CDH13: variants seen among roughly 807,000 people sequenced by gnomAD.
The protein encoded by CDH13 is cadherin-13.
CDH13 carries 24 observed loss-of-function variants against 63.8 expected under a neutral mutation model. The observed-to-expected ratio is 0.38, with a 90% CI of 0.27 to 0.53. The LOEUF (loss-of-function observed/expected upper bound fraction) is 0.53, where lower values mean the gene tolerates loss of function less well. Ranked by LOEUF, CDH13 falls within the 20% of genes least tolerant of loss-of-function variation. The pLI is 0.85. For synonymous variants in CDH13, 503 were observed against 355.3 expected, an observed-to-expected ratio of 1.42 and a Z score of -4.67; for missense variants, 1,049 against 903.1, an observed-to-expected ratio of 1.16 and a Z score of -2.07.
chr16:83,089,891 C>G (rs1386143153), intron 3 of CDH13, among the ~76,000 whole-genome samples: 1 of 152,048 alleles, frequency 6.6e-6, no homozygotes, highest in African/African-American at 2.4e-5. Flanking sequence ...GGGATAGGGC[C>G]TAGGACTCAG....
At chr16:83,398,996 A>G (rs1459269384) in intron 6 of CDH13, among the ~76,000 whole-genome samples, 1 of 152,240 alleles carries the variant, frequency 6.6e-6, no homozygotes, top group Non-Finnish European at 1.5e-5. Flanking sequence ...GCTGTTTCAT[A>G]TTCTCATATA....
At chr16:83,025,491 C>T (rs898693946) in intron 2 of CDH13, among the ~76,000 whole-genome samples, 5 of 152,126 alleles carry the variant, frequency 3.3e-5, no homozygotes, top group African/African-American at 9.7e-5. Context: ...CATCAGATCT[C>T]GCCAGAACTC....
chr16:82,737,520 G>A (rs528352272), intron 1 of CDH13, among the ~76,000 whole-genome samples: 1 of 152,338 alleles, frequency 6.6e-6, no homozygotes, highest in South Asian at 2.1e-4. Flanking sequence ...GTTTCAAAAT[G>A]ATCTCAATAT....
intron 5 of CDH13, among the ~76,000 whole-genome samples, chr16:83,228,036 C>T (rs1201892702): frequency 6.6e-6 from 1 of 152,152 alleles, no homozygotes; most frequent in Non-Finnish European, 1.5e-5. Context: ...GTGGGAGACA[C>T]TGCTTGGTCC....
At chr16:83,467,121 A>G (rs762707582) in intron 6 of CDH13, among the ~76,000 whole-genome samples, 3 of 152,170 alleles carry the variant, frequency 2.0e-5, no homozygotes, top group Non-Finnish European at 4.4e-5. Flanking sequence ...TATAAGCCAT[A>G]ATGGCTGACA....
intron 6 of CDH13, among the ~76,000 whole-genome samples, chr16:83,347,147 C>T (rs575171037): frequency 6.6e-6 from 1 of 152,250 alleles, no homozygotes; most frequent in African/African-American, 2.4e-5. Flanking sequence ...ATTCATGAGG[C>T]CAGTGGGAAT....
chr16:82,855,802 C>G (rs1312216306), intron 1 of CDH13, among the ~76,000 whole-genome samples: 10 of 152,156 alleles, frequency 6.6e-5, no homozygotes, highest in Non-Finnish European at 1.0e-4. Flanking sequence ...TCAGGCCAGC[C>G]ACACGGTGAA....
rs545717096 is a variant in CDH13, at chr16:83,432,832, G to T, written c.782-53645G>T. ...ACAGGTTGCTAGGAATATTTTCCTC[G>T]ATTTAAAAATCACCACCACACCATA... is the stretch of plus-strand genomic sequence containing the variant. On this transcript the variant is annotated intron_variant, in intron 6 of 13. Coordinates refer to ENST00000567109, the MANE Select transcript of CDH13 (RefSeq NM_001257.5). Among the ~76,000 whole-genome samples the T allele has an allele frequency of 5.9e-5, 9 of 152,166 alleles. 1 individual carries two copies. The highest frequency in any genetic ancestry group is 1.5e-5 in the Non-Finnish European group (1 of 68,024).
intron 7 of CDH13, among the ~76,000 whole-genome samples, chr16:83,560,113 T>G (rs1038066186): frequency 2.6e-5 from 4 of 152,160 alleles, no homozygotes; most frequent in African/African-American, 9.7e-5. Context: ...TGAATACGTA[T>G]TGAGTAGCTA....
intron 1 of CDH13, among the ~76,000 whole-genome samples, chr16:82,732,301 T>C (rs781663512): frequency 1.3e-5 from 2 of 152,144 alleles, no homozygotes; most frequent in African/African-American, 2.4e-5. Context: ...TTTAAAAGTT[T>C]TAGTGTCAGC....
chr16:83,139,628 A>G (rs1300040511), intron 4 of CDH13, among the ~76,000 whole-genome samples: 1 of 151,890 alleles, frequency 6.6e-6, no homozygotes, highest in Non-Finnish European at 1.5e-5. Context: ...CCTTTTGCAA[A>G]TCACTTTTTT....
At chr16:83,417,390 C>T (rs1300580366) in intron 6 of CDH13, among the ~76,000 whole-genome samples, 2 of 152,142 alleles carry the variant, frequency 1.3e-5, no homozygotes, top group Non-Finnish European at 2.9e-5. Flanking sequence ...ATCTTTCCTC[C>T]ACCTCTACCC....
At chr16:83,782,341 C>T (rs1597224659) in intron 12 of CDH13, among the ~76,000 whole-genome samples, 1 of 152,062 alleles carries the variant, frequency 6.6e-6, no homozygotes, top group African/African-American at 2.4e-5. Context: ...ATTGCCACCG[C>T]ACATGACATC....
chr16:83,727,241 G>C (rs1192385624), intron 10 of CDH13, among the ~76,000 whole-genome samples: 4 of 151,648 alleles, frequency 2.6e-5, no homozygotes. Flanking sequence ...GGTTTGCCTA[G>C]TACGGACATT....
At chr16:83,465,382 A>G (rs1177987003) in intron 6 of CDH13, among the ~76,000 whole-genome samples, 3 of 152,202 alleles carry the variant, frequency 2.0e-5, no homozygotes, top group Non-Finnish European at 4.4e-5. Context: ...GCTTTGATAA[A>G]CATGATTTGC....
intron 2 of CDH13, among the ~76,000 whole-genome samples, chr16:82,891,788 T>C (rs1397725409): frequency 6.6e-6 from 1 of 152,150 alleles, no homozygotes; most frequent in African/African-American, 2.4e-5. Flanking sequence ...CACCTGAAGA[T>C]GAAATGATTT....
chr16:83,711,258 G>C (rs898188107), intron 10 of CDH13, among the ~76,000 whole-genome samples: 1 of 152,130 alleles, frequency 6.6e-6, no homozygotes, highest in East Asian at 1.9e-4. Flanking sequence ...TAATCAAGTG[G>C]GCTGAAGGAA....
chr16:82,873,186 C>T (rs1287275109), intron 2 of CDH13, among the ~76,000 whole-genome samples: 2 of 152,148 alleles, frequency 1.3e-5, no homozygotes, highest in Admixed American at 6.5e-5. Context: ...TAACTCATGT[C>T]AAAGCCCTAA....
At chr16:82,639,347 T>G (rs1195082301) in intron 1 of CDH13, 1 of 1,527,720 alleles carries the variant, frequency 6.5e-7, no homozygotes, top group Non-Finnish European at 8.8e-7. Flanking sequence ...TCCATGTCCT[T>G]GCTTTTGACC....
Sources: gnomAD v4.1 joint callset for allele counts (sites outside exome capture counted in the v4.1 genomes callset) on GRCh38, gnomAD v4.1.1 for gene constraint, MANE v1.5 for transcripts, NCBI Gene and HGNC (gene_info 2026-07-23, HGNC 2026-07-21) for gene names.